Variants in TNNI2 observed in about 807,000 individuals in gnomAD.
TNNI2 encodes the protein troponin I, fast skeletal muscle.
A neutral mutation model predicts 26.5 loss-of-function variants in TNNI2; 14 were observed. The ratio of observed to expected loss-of-function variants is 0.53; its 90% confidence interval spans 0.35 to 0.83. TNNI2 has a LOEUF of 0.83. Among genes scored for constraint, TNNI2 ranks in the 40% least tolerant of loss-of-function variants. TNNI2 has a pLI of 0.01. For missense variants in TNNI2, 205 were observed against 248.5 expected, an observed-to-expected ratio of 0.82 and a Z score of 1.18; for synonymous variants, 126 against 97.6, an observed-to-expected ratio of 1.29 and a Z score of -1.71.
chr11:1,840,220 C>T (rs1487800537), intron 3 of TNNI2, 183 bp from the exon 4 acceptor site: 1 of 1,551,128 alleles, frequency 6.4e-7, no homozygotes, highest in Non-Finnish European at 8.7e-7. Context: ...CACCACACAG[C>T]ACCATGTCCC....
At position 1,840,934 on chromosome 11, in the gene TNNI2, C is replaced by T. The variant is rs532150074; in HGVS notation, c.276+26C>T. The stretch of plus-strand genomic sequence containing the variant: ...GTGAGTGGTGGCGGCGGGCCGGCGG[C>T]AGGCGGGTAGGCGGTGGCCCAGCGG... On this transcript the variant is annotated intron_variant, in intron 6 of 7. Coordinates refer to ENST00000381911, the MANE Select transcript of TNNI2 (RefSeq NM_003282.4). 2.5e-6 allele frequency: 4 copies of T among 1,606,112 alleles called. No individual in the cohort carries two copies. In the Admixed American group the frequency reaches 5.1e-5, roughly 20 times the overall value.
chr11:1,841,650 C>A lies in TNNI2; in HGVS notation c.*99C>A. On this transcript the variant is annotated 3_prime_UTR_variant, in exon 8 of 8. Coordinates refer to ENST00000381911, the MANE Select transcript of TNNI2 (RefSeq NM_003282.4). ...CTGCCAGGGAGGGCTGGCCTCACCA[C>A]CACCGTCAATAAAGGATTTGAATCC... The A allele has an allele frequency of 9.4e-7, 1 of 1,068,522 alleles. No individual in the cohort carries two copies. The highest frequency in any genetic ancestry group is 1.3e-5 in the South Asian group (1 of 76,804). 66.2% of individuals were successfully genotyped at this position (1,068,522 alleles called of 1,614,324 possible).
Position 1,840,927 on chromosome 11 carries a change from C to T in TNNI2, c.276+19C>T, listed in dbSNP as rs1384528668. 1 of 1,608,368 alleles carries T rather than the reference C, an allele frequency of 6.2e-7. No individual in the cohort carries two copies. The highest frequency in any genetic ancestry group is 1.3e-5 in the African/African-American group (1 of 74,858). On this transcript the variant is annotated intron_variant, in intron 6 of 7. Transcript: ENST00000381911. ...CAAGGAGGTGAGTGGTGGCGGCGGG[C>T]CGGCGGCAGGCGGGTAGGCGGTGGC...
In TNNI2 at chr11:1,840,146, C is replaced by T. The variant is rs569382026; in HGVS notation, c.16-257C>T. The T allele has an allele frequency of 1.4e-5, 21 of 1,498,680 alleles. No homozygotes were observed. The South Asian group carries it at 2.0e-4, about 14-fold the overall frequency. 92.8% of individuals were successfully genotyped at this position (1,498,680 alleles called of 1,614,324 possible). A position where few individuals can be genotyped will look rare whatever the true frequency, so the allele number is the denominator to read the frequency against. On this transcript the variant is annotated intron_variant, in intron 3 of 7. Transcript: ENST00000381911. ...ACCTCACCGGCCGACCTGCCCCCAA[C>T]TGGCCCTCCTCTCCCCCAGCCTCTG...
chr11:1,840,302 C>G, intron 3 of TNNI2, 101 bp from the exon 4 acceptor site: 1 of 1,546,444 alleles, frequency 6.5e-7, no homozygotes, highest in Non-Finnish European at 8.7e-7. Context: ...CTCTGCTGGT[C>G]CCGGAGCCGG....
chr11:1,839,758 T>A, intron 2 of TNNI2, 54 bp downstream of exon 2: 3 of 1,613,254 alleles, frequency 1.9e-6, no homozygotes, highest in Non-Finnish European at 2.5e-6. Context: ...TCCTGCCCTG[T>A]CCACCCCATC....
rs1408584249 is a variant in TNNI2, at chr11:1,841,227, C to T, written c.453+20C>T. ...GAGAAGGTGCGTGCCACGGGGGGAG[C>T]ACCACCACACCTACCCTGCCGGGGA... On this transcript the variant is annotated intron_variant, in intron 7 of 7. Transcript: ENST00000381911. The T allele has an allele frequency of 1.2e-6, 2 of 1,607,916 alleles. No homozygotes were observed. Among genetic ancestry groups the T allele is most frequent in the South Asian group, 2.2e-5 (2 of 90,942 alleles).
chr11:1,840,649 A>C lies in TNNI2; in HGVS notation c.179A>C (p.Glu60Ala). ...PPLHIPGSMS[E>A]VQELCKQLHA... ...CTGCATATCCCGGGCTCCATGTCTG[A>C]AGTGCAGGTACCAGCCCCTCCCCGG... The change falls in exon 5 of 8, where the codon GAA (glutamate) becomes GCA (alanine). Residue 60 changes from glutamate (E) to alanine (A), a missense_variant. Physicochemically the swap from Glu to Ala is moderately radical, Grantham distance 107 (BLOSUM62 -1). Transcript: ENST00000381911. The C allele has an allele frequency of 6.2e-7, 1 of 1,612,706 alleles. No individual in the cohort carries two copies. Among genetic ancestry groups the C allele is most frequent in the Middle Eastern group, 1.7e-4 (1 of 6,050 alleles).
chr11:1,839,367 T>G, intron 1 of TNNI2: 1 of 450,466 alleles, frequency 2.2e-6, no homozygotes, highest in Non-Finnish European at 4.1e-6. Flanking sequence ...AGAGAGAGGG[T>G]TAAAAATAAC....
At position 1,839,892 on chromosome 11, in the gene TNNI2, G is replaced by A. The variant is rs780110255; in HGVS notation, c.15+37G>A. The A allele has an allele frequency of 1.9e-5, 31 of 1,613,178 alleles. No individual in the cohort carries two copies. In the South Asian group the frequency reaches 2.7e-4, roughly 14 times the overall value. On this transcript the variant is annotated intron_variant, in intron 3 of 7. Transcript: ENST00000381911. ...CTGGGGGCTCAAAACATGACGAGGAGGGGGCTCCCCCAACTCAGCATAGGT... is the reference window on the plus strand; with the variant it reads ...CTGGGGGCTCAAAACATGACGAGGAAGGGGCTCCCCCAACTCAGCATAGGT...
At chr11:1,841,237 C>T (rs1384280718) in intron 7 of TNNI2, 30 bp downstream of exon 7, 2 of 1,604,872 alleles carry the variant, frequency 1.2e-6, no homozygotes, top group African/African-American at 2.7e-5. Flanking sequence ...CACCACCACA[C>T]CTACCCTGCC....
At chr11:1,839,812 T>C in intron 2 of TNNI2, 37 bp from the exon 3 acceptor site, 1 of 1,613,494 alleles carries the variant, frequency 6.2e-7, no homozygotes, top group East Asian at 2.2e-5. Context: ...CTCTGTCTTC[T>C]CTCCCCGTCC....
At chr11:1,840,326 G>T in intron 3 of TNNI2, 77 bp from the exon 4 acceptor site, 2 of 1,554,548 alleles carry the variant, frequency 1.3e-6, no homozygotes, top group Admixed American at 3.9e-5. Context: ...CCCTGACCTG[G>T]CCAGGGAGCG....
In TNNI2 at chr11:1,840,498, T is replaced by A. The variant is rs1287801336; in HGVS notation, c.58-30T>A. The A allele has an allele frequency of 3.1e-6, 5 of 1,610,670 alleles. No homozygotes were observed. In the African/African-American group the frequency reaches 6.7e-5, roughly 21 times the overall value. On this transcript the variant is annotated intron_variant, in intron 4 of 7. Transcript: ENST00000381911. ...CAGGTGGGTCTGCAGGGGAGCTGGC[T>A]GCAGCCCCTCACCGCCTGCCCCACC...
intron 7 of TNNI2, 59 bp downstream of exon 7, chr11:1,841,266 C>T: frequency 1.4e-5 from 22 of 1,589,270 alleles, no homozygotes; most frequent in Non-Finnish European, 1.9e-5. Context: ...ACCTCCCACA[C>T]CTGCCCCGCC....
In TNNI2 at chr11:1,839,710, T is replaced by C; in HGVS notation, c.8+6T>C. The C allele has an allele frequency of 6.2e-7, 1 of 1,613,800 alleles. No individual in the cohort carries two copies. Among genetic ancestry groups the C allele is most frequent in the Non-Finnish European group, 8.5e-7 (1 of 1,179,894 alleles). On this transcript the variant is annotated splice_donor_region_variant and intron_variant, in intron 2 of 7. Coordinates refer to ENST00000381911, the MANE Select transcript of TNNI2 (RefSeq NM_003282.4). The stretch of plus-strand genomic sequence containing the variant: ...CAGGACCTCAGGATGGGAGAGTAAG[T>C]GGTACCCCTGTACCCCCATACAGTG...
intron 7 of TNNI2, 67 bp downstream of exon 7, chr11:1,841,274 G>T (rs896996418): frequency 1.3e-6 from 2 of 1,588,576 alleles, no homozygotes; most frequent in Non-Finnish European, 1.7e-6. Context: ...CACCTGCCCC[G>T]CCTGGGGACC....
At position 1,841,642 on chromosome 11, in the gene TNNI2, C is replaced by T; in HGVS notation, c.*91C>T. The T allele has an allele frequency of 8.6e-7, 1 of 1,160,702 alleles. No homozygotes were observed. The highest frequency in any genetic ancestry group is 1.3e-6 in the Non-Finnish European group (1 of 782,310). The allele number at this position is 1,160,702 out of a possible 1,614,324, so 71.9% of individuals were successfully genotyped here. A position where few individuals can be genotyped will look rare whatever the true frequency, so the allele number is the denominator to read the frequency against. Reference sequence around the variant, plus strand: ...CCCAGAGCCTGCCAGGGAGGGCTGGCCTCACCACCACCGTCAATAAAGGAT... The same window carrying T: ...CCCAGAGCCTGCCAGGGAGGGCTGGTCTCACCACCACCGTCAATAAAGGAT... On this transcript the variant is annotated 3_prime_UTR_variant, in exon 8 of 8. Transcript: ENST00000381911.
In TNNI2 at chr11:1,841,677, C is replaced by A; in HGVS notation, c.*126C>A. 1 of 881,218 alleles carries A rather than the reference C, an allele frequency of 1.1e-6. No individual in the cohort carries two copies. The highest frequency in any genetic ancestry group is 1.8e-6 in the Non-Finnish European group (1 of 547,486). 54.6% of individuals were successfully genotyped at this position (881,218 alleles called of 1,614,324 possible). ...ACCGTCAATAAAGGATTTGAATCCCCATGGCTGGTCTGGTCTGGCTCTCCC... is the reference window on the plus strand; with the variant it reads ...ACCGTCAATAAAGGATTTGAATCCCAATGGCTGGTCTGGTCTGGCTCTCCC... On this transcript the variant is annotated 3_prime_UTR_variant, in exon 8 of 8. Coordinates refer to ENST00000381911, the MANE Select transcript of TNNI2 (RefSeq NM_003282.4).
Sources: allele counts gnomAD v4.1 joint callset, GRCh38; gene constraint gnomAD v4.1.1; transcripts MANE v1.5; gene names NCBI Gene and HGNC (gene_info 2026-07-23, HGNC 2026-07-21).